Variants in BUD13 observed in about 807,000 individuals in gnomAD.
BUD13 encodes the protein BUD13 spliceosome associated protein, also known as BUD13 homolog.
A neutral mutation model predicts 62.5 loss-of-function variants in BUD13; 47 were observed. That is an observed-to-expected ratio of 0.75 (90% confidence interval 0.60 to 0.96). BUD13 has a LOEUF of 0.96. Ranked by LOEUF, BUD13 falls within the 40% of genes least tolerant of loss-of-function variation. BUD13 has a pLI of 0.00. For synonymous variants in BUD13, 293 were observed against 280.1 expected, an observed-to-expected ratio of 1.05 and a Z score of -0.46; for missense variants, 821 against 790.9, an observed-to-expected ratio of 1.04 and a Z score of -0.46.
intron 9 of BUD13, among the ~76,000 whole-genome samples, chr11:116,755,361 T>C (rs1940304769): frequency 6.6e-6 from 1 of 152,214 alleles, no homozygotes; most frequent in African/African-American, 2.4e-5. Flanking sequence ...TATGTCAACA[T>C]TTGGAAGGTC....
intron 5 of BUD13, 143 bp from the exon 6 acceptor site, chr11:116,759,322 A>G (rs1940390494): frequency 1.7e-6 from 1 of 588,890 alleles, no homozygotes; most frequent in Non-Finnish European, 3.1e-6. Context: ...AATAATTACC[A>G]TAGGATTCAA....
Position 116,772,694 on chromosome 11 carries a change from C to A in BUD13, c.143+128G>T, listed in dbSNP as rs116075174. 91 of 1,290,442 alleles carry A rather than the reference C, an allele frequency of 7.1e-5. No homozygotes were observed. The African/African-American group carries it at 1.3e-3, about 19-fold the overall frequency. 79.9% of individuals were successfully genotyped at this position (1,290,442 alleles called of 1,614,324 possible). ...CAAGCGATGTGAGTGGGGCCCTGAG[C>A]ATGAGCAGGGGTCGGCGGAGAAGCC... On this transcript the variant is annotated intron_variant, in intron 1 of 9. Coordinates refer to ENST00000260210, the MANE Select transcript of BUD13 (RefSeq NM_032725.4).
In BUD13 at chr11:116,748,576, C is replaced by G; in HGVS notation, c.1767-1G>C. 1 of 1,614,144 alleles carries G rather than the reference C, an allele frequency of 6.2e-7. No individual in the cohort carries two copies. The highest frequency in any genetic ancestry group is 8.5e-7 in the Non-Finnish European group (1 of 1,179,972). ...GCGCTTCTGTTCAAATCCATTGGAT[C>G]TGCAATCAAAAGAGACATACTATTC... On this transcript the variant is annotated splice_acceptor_variant, in intron 9 of 9. Transcript: ENST00000260210. LOFTEE classifies it high-confidence loss of function.
intron 3 of BUD13, among the ~76,000 whole-genome samples, chr11:116,764,648 T>C (rs1196616841): frequency 6.6e-6 from 1 of 152,190 alleles, no homozygotes; most frequent in Non-Finnish European, 1.5e-5. Context: ...GAATTCTGAT[T>C]AGGCTACAAA....
intron 2 of BUD13, among the ~76,000 whole-genome samples, chr11:116,765,900 C>T (rs1940523056): frequency 6.6e-6 from 1 of 152,084 alleles, no homozygotes; most frequent in African/African-American, 2.4e-5. Flanking sequence ...TTCTTGAATA[C>T]AACCAAAAAG....
At position 116,758,257 on chromosome 11, in the gene BUD13, T is replaced by TGG; in HGVS notation, c.1499+10_1499+11dup. On this transcript the variant is annotated intron_variant, in intron 7 of 9. Coordinates refer to ENST00000260210, the MANE Select transcript of BUD13 (RefSeq NM_032725.4). ...ACTGCCATCTTGTTTACCCTTTCAG[T>TGG]GGTTCCCTTACCCTTTTCCCCACTG... 6.2e-7 allele frequency: 1 copy of TGG among 1,613,778 alleles called. No homozygotes were observed. Among genetic ancestry groups the TGG allele is most frequent in the East Asian group, 2.2e-5 (1 of 44,884 alleles).
rs1940450188 is a variant in BUD13, at chr11:116,762,604, T to C, written c.985A>G (p.Lys329Glu). 1.2e-6 allele frequency: 2 copies of C among 1,613,280 alleles called. No individual in the cohort carries two copies. Among genetic ancestry groups the C allele is most frequent in the Non-Finnish European group, 1.7e-6 (2 of 1,179,786 alleles). Residue 329 changes from lysine to glutamate, a missense_variant, in exon 4 of 10, where the codon AAA becomes GAA. Physicochemically the swap from Lys to Glu is moderately conservative, Grantham distance 56. Coordinates refer to ENST00000260210, the MANE Select transcript of BUD13 (RefSeq NM_032725.4). ...EYDPDISPPR[K>E]KQAKSHFGDK... ...CCAAAATGGGATTTTGCTTGCTTTTTTCGTGGAGGAGAGATGTCAGGGTCA... is the reference window on the plus strand; with the variant it reads ...CCAAAATGGGATTTTGCTTGCTTTTCTCGTGGAGGAGAGATGTCAGGGTCA...
At chr11:116,758,449 G>A (rs1225660028) in intron 6 of BUD13, 42 bp from the exon 7 acceptor site, 4 of 1,606,312 alleles carry the variant, frequency 2.5e-6, no homozygotes, top group East Asian at 2.2e-5. Context: ...ATCAAAATCA[G>A]AAATAACATT....
At chr11:116,756,542 G>T (rs1304794930) in intron 9 of BUD13, among the ~76,000 whole-genome samples, 2 of 152,040 alleles carry the variant, frequency 1.3e-5, no homozygotes, top group Admixed American at 1.3e-4. Context: ...AGGGTCCTGA[G>T]ATTAAAAAGT....
At chr11:116,772,691 G>A in intron 1 of BUD13, 131 bp downstream of exon 1, 3 of 1,278,306 alleles carry the variant, frequency 2.3e-6, no homozygotes, top group Non-Finnish European at 3.1e-6. Context: ...GTGGGGCCCT[G>A]AGCATGAGCA....
At chr11:116,762,101 A>G (rs531616535) in intron 4 of BUD13, among the ~76,000 whole-genome samples, 1 of 152,384 alleles carries the variant, frequency 6.6e-6, no homozygotes, top group East Asian at 1.9e-4. Context: ...ATACTAACAT[A>G]AAGATGTTTT....
rs772347423 is a variant in BUD13, at chr11:116,757,219, G to A, written c.1693C>T (p.Arg565Cys). ...GGAGGAGGTGCTGGACCACTGTAGCGAGGTCTCACTAATGAGAGGAGTAAG... is the reference window on the plus strand; with the variant it reads ...GGAGGAGGTGCTGGACCACTGTAGCAAGGTCTCACTAATGAGAGGAGTAAG... ...KENKNKKVRP[R>C]YSGPAPPPNR... Residue 565 changes from arginine (R) to cysteine (C), a missense_variant, in exon 9 of 10, where the codon CGC (arginine) becomes TGC (cysteine). By Grantham distance (180) the Arg-to-Cys change is radical. Transcript: ENST00000260210. The A allele has an allele frequency of 1.4e-5, 22 of 1,613,788 alleles. No homozygotes were observed. The highest frequency in any genetic ancestry group is 1.6e-4 in the Middle Eastern group (1 of 6,080).
chr11:116,753,572 C>G (rs1406497787), intron 9 of BUD13, among the ~76,000 whole-genome samples: 2 of 152,092 alleles, frequency 1.3e-5, no homozygotes, highest in Non-Finnish European at 2.9e-5. Flanking sequence ...TGCGTAGTAA[C>G]AATTTTAAAA....
chr11:116,749,590 A>G (rs1940198528), intron 9 of BUD13, among the ~76,000 whole-genome samples: 1 of 152,242 alleles, frequency 6.6e-6, no homozygotes, highest in Non-Finnish European at 1.5e-5. Flanking sequence ...GCAGCAAACC[A>G]AAGGCAAACT....
intron 1 of BUD13, 148 bp downstream of exon 1, chr11:116,772,674 G>T: frequency 8.7e-7 from 1 of 1,154,794 alleles, no homozygotes; most frequent in Non-Finnish European, 1.1e-6. Flanking sequence ...GGCCTCAAGC[G>T]ATGTGAGTGG....
At chr11:116,752,031 C>T (rs1054270297) in intron 9 of BUD13, among the ~76,000 whole-genome samples, 10 of 152,172 alleles carry the variant, frequency 6.6e-5, no homozygotes, top group African/African-American at 2.4e-4. Flanking sequence ...GCAAGCTCCG[C>T]TTCCCGGGTT....
chr11:116,770,764 G>C (rs990741310), intron 1 of BUD13, among the ~76,000 whole-genome samples: 1 of 151,550 alleles, frequency 6.6e-6, no homozygotes, highest in Non-Finnish European at 1.5e-5. Context: ...AAAGTGCTGG[G>C]ATTATAGGCG....
intron 9 of BUD13, among the ~76,000 whole-genome samples, chr11:116,749,840 G>C (rs893036519): frequency 7.2e-5 from 11 of 152,192 alleles, no homozygotes; most frequent in Non-Finnish European, 5.9e-5. Flanking sequence ...CAATGATAAA[G>C]AGGGACGGAA....
rs780327463 is a variant in BUD13 at position 116,748,511 on chromosome 11, C to T, written c.1831G>A (p.Ala611Thr). The stretch of plus-strand genomic sequence containing the variant: ...ATATCCTCAACACTCCATTTGTAGG[C>T]AAGTTCCTCCACTGCCTTCTTGCTG... ...LASKKAVEELAYKWSVEDM is the reference protein window; with the variant it reads ...LASKKAVEELTYKWSVEDM Residue 611 changes from alanine (A) to threonine (T), a missense_variant, in exon 10 of 10, where the codon GCC becomes ACC. Physicochemically the swap from Ala to Thr is moderately conservative, Grantham distance 58. This residue lies in a region of BUD13 where 21 missense variants were observed against 51.7 expected (regional missense o/e 0.41). Transcript: ENST00000260210. 1.2e-6 allele frequency: 2 copies of T among 1,614,248 alleles called. No homozygotes were observed. The highest frequency in any genetic ancestry group is 3.3e-5 in the Admixed American group (2 of 60,028).
Sources: gnomAD v4.1 joint callset for allele counts (sites outside exome capture counted in the v4.1 genomes callset) on GRCh38, gnomAD v4.1.1 for gene constraint, gnomAD v4.1.1 regional missense constraint, MANE v1.5 for transcripts, NCBI Gene and HGNC (gene_info 2026-07-23, HGNC 2026-07-21) for gene names.